Variants in RAB38 observed in about 807,000 individuals in gnomAD.
The protein encoded by RAB38 is RAB38, member RAS oncogene family, also known as ras-related protein Rab-38.
RAB38 carries 15 observed loss-of-function variants against 18.4 expected under a neutral mutation model. That is an observed-to-expected ratio of 0.82 (90% CI 0.55 to 1.26). The LOEUF is 1.26. RAB38 is among the 50% of genes most tolerant of loss of function. RAB38 has a pLI of 0.00. For missense variants in RAB38, 294 were observed against 267.4 expected (o/e 1.10, Z -0.69); for synonymous variants, 101 against 104.4 (o/e 0.97, Z 0.20).
At chr11:87,862,549 A>G in the RAB38 span, among the ~76,000 whole-genome samples, 1 of 151,786 alleles carries the variant, frequency 6.6e-6, no homozygotes, top group Non-Finnish European at 1.5e-5. Context: ...AGGAAAAACA[A>G]CTAATAGGTA....
At chr11:87,947,688 C>A in the RAB38 span, among the ~76,000 whole-genome samples, 1 of 152,124 alleles carries the variant, frequency 6.6e-6, no homozygotes, top group African/African-American at 2.4e-5. Flanking sequence ...TGTCAAAGAT[C>A]AGATGGTTGT....
At chr11:87,921,001 G>A in the RAB38 span, among the ~76,000 whole-genome samples, 1 of 152,126 alleles carries the variant, frequency 6.6e-6, no homozygotes, top group South Asian at 2.1e-4. Context: ...GCTGGCATCT[G>A]GCAAGGGCCT....
chr11:88,103,554 C>T, the RAB38 span, among the ~76,000 whole-genome samples: 16 of 152,138 alleles, frequency 1.1e-4, no homozygotes, highest in African/African-American at 3.9e-4. Flanking sequence ...AGAACAGTAG[C>T]TTTATAGAGT....
chr11:88,062,856 C>T, the RAB38 span, among the ~76,000 whole-genome samples: 1 of 152,122 alleles, frequency 6.6e-6, no homozygotes, highest in Non-Finnish European at 1.5e-5. Flanking sequence ...ACTATATAGT[C>T]ACAGAGATTT....
the RAB38 span, among the ~76,000 whole-genome samples, chr11:87,976,778 A>C: frequency 1.1e-5 from 1 of 92,194 alleles, no homozygotes; most frequent in Non-Finnish European, 2.0e-5. Flanking sequence ...ATATATATTT[A>C]TATATTATAT....
intron 2 of RAB38, 98 bp downstream of exon 2, chr11:88,149,577 A>G: frequency 1.4e-6 from 2 of 1,400,740 alleles, no homozygotes; most frequent in Non-Finnish European, 1.9e-6. Context: ...ACATCACTAA[A>G]CAAACATATT....
At chr11:88,039,488 A>G in the RAB38 span, among the ~76,000 whole-genome samples, 3 of 152,198 alleles carry the variant, frequency 2.0e-5, no homozygotes, top group African/African-American at 4.8e-5. Flanking sequence ...GAACTGTGGT[A>G]TGAGGAAAAA....
chr11:88,027,925 T>C, the RAB38 span, among the ~76,000 whole-genome samples: 2 of 152,150 alleles, frequency 1.3e-5, no homozygotes, highest in African/African-American at 4.8e-5. Context: ...GACTGCCTCC[T>C]CAAGTGGGTC....
intron 2 of RAB38, among the ~76,000 whole-genome samples, chr11:88,120,118 C>T (rs1942611292): frequency 6.6e-6 from 1 of 152,176 alleles, no homozygotes; most frequent in Admixed American, 6.5e-5. Context: ...CAATCATTAG[C>T]TTCTACTGGG....
At chr11:88,079,274 G>T in the RAB38 span, among the ~76,000 whole-genome samples, 2 of 151,314 alleles carry the variant, frequency 1.3e-5, no homozygotes, top group Non-Finnish European at 3.0e-5. Context: ...GACATTATCA[G>T]AATAATAAGC....
chr11:88,092,018 G>A, the RAB38 span, among the ~76,000 whole-genome samples: 3 of 151,822 alleles, frequency 2.0e-5, no homozygotes, highest in African/African-American at 7.2e-5. Flanking sequence ...AGCAGTGGTA[G>A]CTTCCAAGTC....
the RAB38 span, among the ~76,000 whole-genome samples, chr11:87,922,242 C>T: frequency 1.3e-5 from 2 of 151,946 alleles, no homozygotes; most frequent in Non-Finnish European, 2.9e-5. Context: ...AAGGGAAAGA[C>T]TATACTGGTA....
chr11:88,045,081 G>A, the RAB38 span, among the ~76,000 whole-genome samples: 6 of 151,992 alleles, frequency 3.9e-5, no homozygotes, highest in Admixed American at 6.5e-5. Flanking sequence ...CTTTTTCATC[G>A]AATATAAAAA....
chr11:88,048,001 T>A, the RAB38 span, among the ~76,000 whole-genome samples: 1 of 152,146 alleles, frequency 6.6e-6, no homozygotes, highest in Admixed American at 6.5e-5. Flanking sequence ...TCTCTTAGAA[T>A]CTCTCATTTC....
At chr11:87,842,457 G>A in the RAB38 span, among the ~76,000 whole-genome samples, 1 of 152,178 alleles carries the variant, frequency 6.6e-6, no homozygotes, top group South Asian at 2.1e-4. Context: ...TCAAAAGCCT[G>A]AAGGTGCCTC....
At chr11:87,837,372 GA>G in the RAB38 span, among the ~76,000 whole-genome samples, 1 of 152,096 alleles carries the variant, frequency 6.6e-6, no homozygotes, top group African/African-American at 2.4e-5. Flanking sequence ...TTAAATGAAT[GA>G]GTTTCTTCTA....
the RAB38 span, among the ~76,000 whole-genome samples, chr11:88,027,205 T>G: frequency 6.6e-6 from 1 of 152,182 alleles, no homozygotes; most frequent in African/African-American, 2.4e-5. Context: ...TCAAAGTTTT[T>G]TTTTGCATCC....
the RAB38 span, among the ~76,000 whole-genome samples, chr11:87,866,501 T>G: frequency 6.6e-6 from 1 of 151,740 alleles, no homozygotes; most frequent in Non-Finnish European, 1.5e-5. Flanking sequence ...ATAACTGAAA[T>G]GAGCTGAATT....
At chr11:87,900,896 AC>A in the RAB38 span, among the ~76,000 whole-genome samples, 4 of 151,528 alleles carry the variant, frequency 2.6e-5, no homozygotes, top group African/African-American at 9.7e-5. Context: ...TCCTTTTCTC[AC>A]CCATTCATCA....
Sources: allele counts gnomAD v4.1 joint callset (sites outside exome capture counted in the v4.1 genomes callset), GRCh38; gene constraint gnomAD v4.1.1; transcripts MANE v1.5; gene names NCBI Gene and HGNC (gene_info 2026-07-23, HGNC 2026-07-21).